PTPN1: variants seen among roughly 807,000 people sequenced by gnomAD.
PTPN1 encodes the protein tyrosine-protein phosphatase non-receptor type 1.
Under a neutral mutation model 59.9 loss-of-function variants are expected in PTPN1, and 12 were observed. The observed-to-expected ratio is 0.20, with a 90% confidence interval of 0.13 to 0.32. The LOEUF is 0.32. Among genes scored for constraint, PTPN1 ranks in the 10% least tolerant of loss-of-function variants. The probability of loss-of-function intolerance (pLI) is 1.00; values close to 1 mark genes in which losing one functional copy is unlikely to be tolerated. For missense variants in PTPN1, 356 were observed against 549.2 expected (o/e 0.65, Z 3.52); for synonymous variants, 178 against 203.6 (o/e 0.87, Z 1.07).
chr20:50,568,355 ATGT>A lies in PTPN1; in HGVS notation c.256-21_256-19del. 12 of 1,594,884 alleles carry A rather than the reference ATGT, an allele frequency of 7.5e-6. No homozygotes were observed. Among genetic ancestry groups the A allele is most frequent in the Non-Finnish European group, 1.0e-5 (12 of 1,162,660 alleles). ...TAGCATGTTATGTTTCAGATGTCAC[ATGT>A]TGTGTTATTGTGTCTTTGCAGGGCC... On this transcript the variant is annotated intron_variant, in intron 3 of 9. Transcript: ENST00000371621. The surrounding 1 kb of genome is among the most constrained non-coding windows in gnomAD (Gnocchi z 5.6).
chr20:50,582,557 TA>T lies in PTPN1; in HGVS notation c.1285-129del. 1.1e-6 allele frequency: 1 copy of T among 890,324 alleles called. No individual in the cohort carries two copies. Among genetic ancestry groups the T allele is most frequent in the Admixed American group, 2.6e-5 (1 of 38,782 alleles). The allele number at this position is 890,324 out of a possible 1,614,324, so 55.2% of individuals were successfully genotyped here. A position where few individuals can be genotyped will look rare whatever the true frequency, so the allele number is the denominator to read the frequency against. On this transcript the variant is annotated intron_variant, in intron 9 of 9. Transcript: ENST00000371621. This position sits in a 1 kb window ranked among gnomAD's most constrained non-coding sequence, Gnocchi z 4.2. ...GATTTTTGGGGAGAGGGGGCTACTG[TA>T]AAAAATAAAACCAAAACCCCCTTTG...
At chr20:50,527,257 A>G (rs373998849) in intron 1 of PTPN1, among the ~76,000 whole-genome samples, 1 of 152,084 alleles carries the variant, frequency 6.6e-6, no homozygotes, top group African/African-American at 2.4e-5. Context: ...TGAAGTAAAT[A>G]GGTCACTCTG....
At chr20:50,529,573 G>C (rs185798257) in intron 1 of PTPN1, among the ~76,000 whole-genome samples, 1 of 152,132 alleles carries the variant, frequency 6.6e-6, no homozygotes, top group Non-Finnish European at 1.5e-5. Flanking sequence ...ACACTTTTGC[G>C]TCTGAAACCA....
At position 50,579,212 on chromosome 20, in the gene PTPN1, G is replaced by A. The variant is rs1173486184; in HGVS notation, c.747G>A (p.Val249=). The A allele has an allele frequency of 1.9e-6, 3 of 1,614,132 alleles. No individual in the cohort carries two copies. The highest frequency in any genetic ancestry group is 1.7e-6 in the Non-Finnish European group (2 of 1,180,054). ...KDPSSVDIKK[V]LLEMRKFRMG... is the part of the protein sequence containing the mutation. ...CTTCTTCCGTTGATATCAAGAAAGTGCTGTTAGAAATGAGGAAGTTTCGGA... is the reference window on the plus strand; with the variant it reads ...CTTCTTCCGTTGATATCAAGAAAGTACTGTTAGAAATGAGGAAGTTTCGGA... Residue 249 remains valine, a synonymous_variant, in exon 7 of 10, where the codon GTG becomes GTA. Transcript: ENST00000371621.
At chr20:50,549,335 T>C (rs940941443) in intron 1 of PTPN1, among the ~76,000 whole-genome samples, 1 of 152,222 alleles carries the variant, frequency 6.6e-6, no homozygotes, top group African/African-American at 2.4e-5. Context: ...CCATGCCAGT[T>C]TCACGAAGCA....
chr20:50,514,312 A>T (rs1001883385), intron 1 of PTPN1, among the ~76,000 whole-genome samples: 8 of 152,040 alleles, frequency 5.3e-5, no homozygotes. Context: ...AAACCTATTA[A>T]AATACCTGGT....
chr20:50,525,140 A>G (rs112661221), intron 1 of PTPN1, among the ~76,000 whole-genome samples: 3,422 of 150,516 alleles, frequency 0.023, 68 homozygotes, highest in African/African-American at 0.053. Flanking sequence ...GCTCACTGCA[A>G]CCTCCGCCTC....
rs1313054066 is a variant in PTPN1 at position 50,510,517 on chromosome 20, C to G, written c.-11C>G. 12 of 1,549,522 alleles carry G rather than the reference C, an allele frequency of 7.7e-6. No homozygotes were observed. The highest frequency in any genetic ancestry group is 1.0e-5 in the Non-Finnish European group (12 of 1,146,090). ...GCCGAGAAGGAGGCGCAGCAGCCGCCCTGGCCCGTCATGGAGATGGAAAAG... is the reference window on the plus strand; with the variant it reads ...GCCGAGAAGGAGGCGCAGCAGCCGCGCTGGCCCGTCATGGAGATGGAAAAG... On this transcript the variant is annotated 5_prime_UTR_variant, in exon 1 of 10. Transcript: ENST00000371621.
At chr20:50,547,326 G>A (rs2082679908) in intron 1 of PTPN1, among the ~76,000 whole-genome samples, 1 of 151,202 alleles carries the variant, frequency 6.6e-6, no homozygotes, top group Non-Finnish European at 1.5e-5. Flanking sequence ...TTGGTGTGCT[G>A]TTTCTAAATT....
At chr20:50,533,175 A>C (rs980540737) in intron 1 of PTPN1, among the ~76,000 whole-genome samples, 2 of 152,110 alleles carry the variant, frequency 1.3e-5, no homozygotes, top group Admixed American at 6.6e-5. Context: ...CAGAGTTATT[A>C]CATACTAATT....
chr20:50,553,938 A>G (rs1020698795), intron 1 of PTPN1, among the ~76,000 whole-genome samples: 2 of 152,176 alleles, frequency 1.3e-5, no homozygotes, highest in African/African-American at 2.4e-5. Context: ...TACAGAGAGG[A>G]AAAAAATGTG....
At chr20:50,533,963 C>CG (rs1202395893) in intron 1 of PTPN1, among the ~76,000 whole-genome samples, 2 of 152,182 alleles carry the variant, frequency 1.3e-5, no homozygotes, top group Non-Finnish European at 2.9e-5. Context: ...TGGAGTCTTT[C>CG]TCTCTTGCCC....
At chr20:50,577,176 C>G (rs866333098) in intron 5 of PTPN1, among the ~76,000 whole-genome samples, 14 of 152,122 alleles carry the variant, frequency 9.2e-5, no homozygotes, top group Admixed American at 6.5e-5. Context: ...TTATTTTCAT[C>G]CCAGCAGAGT....
At position 50,581,577 on chromosome 20, in the gene PTPN1, G is replaced by C. The variant is rs538374183; in HGVS notation, c.1284+117G>C. On this transcript the variant is annotated intron_variant, in intron 9 of 9. Transcript: ENST00000371621. ...ATCTGAGCCAGTCTCAGAAGAAACAGATCAAAGGTTTTTAAAGTCTGGAAC... is the reference window on the plus strand; with the variant it reads ...ATCTGAGCCAGTCTCAGAAGAAACACATCAAAGGTTTTTAAAGTCTGGAAC... The C allele has an allele frequency of 6.7e-5, 81 of 1,210,050 alleles. 1 individual carries two copies. In the South Asian group the frequency reaches 1.3e-3, roughly 19 times the overall value. 75.0% of individuals were successfully genotyped at this position (1,210,050 alleles called of 1,614,324 possible). A position where few individuals can be genotyped will look rare whatever the true frequency, so the allele number is the denominator to read the frequency against.
At position 50,539,167 on chromosome 20, in the gene PTPN1, C is replaced by T. The variant is rs963364894; in HGVS notation, c.64-22196C>T. On this transcript the variant is annotated intron_variant, in intron 1 of 9. Transcript: ENST00000371621. The stretch of plus-strand genomic sequence containing the variant: ...TCTCCTGCCTCAGCCTCCTGAGTAG[C>T]TGGGATTACAGTCACGTGCCACCAC... Among the ~76,000 whole-genome samples the T allele has an allele frequency of 1.4e-4, 21 of 151,848 alleles. 1 individual carries two copies. The highest frequency in any genetic ancestry group is 4.6e-4 in the African/African-American group (19 of 41,330).
chr20:50,546,817 T>G (rs2082677993), intron 1 of PTPN1, among the ~76,000 whole-genome samples: 2 of 152,336 alleles, frequency 1.3e-5, no homozygotes, highest in South Asian at 4.1e-4. Flanking sequence ...GATAGTCTGA[T>G]TCCCGGTGAG....
At chr20:50,541,170 T>C (rs976192506) in intron 1 of PTPN1, among the ~76,000 whole-genome samples, 7 of 152,196 alleles carry the variant, frequency 4.6e-5, no homozygotes, top group Non-Finnish European at 7.3e-5. Context: ...TACTCACTGC[T>C]AGAAAATGCC....
intron 1 of PTPN1, among the ~76,000 whole-genome samples, chr20:50,545,183 T>G (rs2082669484): frequency 6.6e-6 from 1 of 152,178 alleles, no homozygotes; most frequent in African/African-American, 2.4e-5. Context: ...TCCAAACTCC[T>G]GAGCTCAAGT....
chr20:50,521,542 A>G (rs2082551071), intron 1 of PTPN1, among the ~76,000 whole-genome samples: 1 of 152,218 alleles, frequency 6.6e-6, no homozygotes, highest in African/African-American at 2.4e-5. Context: ...TTCCACATAC[A>G]TGGCTGTGAA....
Sources: allele counts gnomAD v4.1 joint callset (sites outside exome capture counted in the v4.1 genomes callset), GRCh38; gene constraint gnomAD v4.1.1; non-coding constraint Gnocchi (gnomAD v3.1); transcripts MANE v1.5; gene names NCBI Gene and HGNC (gene_info 2026-07-23, HGNC 2026-07-21).